Variants in CRACD observed in about 807,000 individuals in gnomAD.
CRACD encodes capping protein-inhibiting regulator of actin dynamics.
CRACD carries 56 observed loss-of-function variants against 106.8 expected under a neutral mutation model. That is an observed-to-expected ratio of 0.52 (90% CI 0.42 to 0.66). The LOEUF is 0.66. Among genes scored for constraint, CRACD ranks in the 30% least tolerant of loss-of-function variants. The probability of loss-of-function intolerance (pLI) is 0.00; values close to 1 mark genes in which losing one functional copy is unlikely to be tolerated. For missense variants in CRACD, 1,730 were observed against 1,623.2 expected (o/e 1.07, Z -1.13); for synonymous variants, 754 against 670.8 (o/e 1.12, Z -1.92).
At chr4:56,144,748 C>T (rs532824473) in intron 1 of CRACD, among the ~76,000 whole-genome samples, 423 of 152,014 alleles carry the variant, frequency 2.8e-3, no homozygotes, top group Middle Eastern at 6.8e-3. Flanking sequence ...CTCCGCCTTC[C>T]GGGTTCAGGT....
intron 2 of CRACD, among the ~76,000 whole-genome samples, chr4:56,231,977 G>A (rs1221712076): frequency 1.3e-5 from 2 of 152,292 alleles, no homozygotes; most frequent in East Asian, 1.9e-4. Flanking sequence ...ACCTAAGGAT[G>A]TACAAAAAAT....
chr4:56,298,140 C>T, intron 3 of CRACD, 74 bp from the exon 4 acceptor site: 2 of 1,496,870 alleles, frequency 1.3e-6, no homozygotes, highest in Non-Finnish European at 1.8e-6. Flanking sequence ...TCCCTCCAAT[C>T]AGGAATAATG....
intron 1 of CRACD, among the ~76,000 whole-genome samples, chr4:56,171,112 G>C (rs912474719): frequency 1.3e-5 from 2 of 152,126 alleles, no homozygotes; most frequent in Non-Finnish European, 2.9e-5. Context: ...GAAAATGACA[G>C]AGAATGAAAA....
chr4:56,200,213 C>A (rs1322108666), intron 2 of CRACD, among the ~76,000 whole-genome samples: 1 of 151,734 alleles, frequency 6.6e-6, no homozygotes, highest in Non-Finnish European at 1.5e-5. Context: ...GTCCGTTACA[C>A]TATGCTGTTG....
At chr4:56,269,653 C>T (rs766032437) in intron 2 of CRACD, among the ~76,000 whole-genome samples, 1 of 150,808 alleles carries the variant, frequency 6.6e-6, no homozygotes, top group East Asian at 2.0e-4. Context: ...ACAGCCTTCG[C>T]CTCCCAGGTT....
intron 1 of CRACD, among the ~76,000 whole-genome samples, chr4:56,098,713 A>T (rs1733675668): frequency 6.6e-6 from 1 of 152,098 alleles, no homozygotes; most frequent in Non-Finnish European, 1.5e-5. Flanking sequence ...TTTTTTTGAG[A>T]CAGAGGCTTG....
intron 2 of CRACD, among the ~76,000 whole-genome samples, chr4:56,231,453 T>G (rs891319840): frequency 3.3e-5 from 5 of 152,260 alleles, no homozygotes; most frequent in Admixed American, 2.0e-4. Context: ...TAAAGCTGAC[T>G]GTAGGCTTGT....
At chr4:56,178,953 T>C (rs111711431) in intron 1 of CRACD, among the ~76,000 whole-genome samples, 1,591 of 152,372 alleles carry the variant, frequency 0.01, 43 homozygotes, top group African/African-American at 0.036. Context: ...TTGTGTCTTC[T>C]AGCTTCTTGA....
intron 2 of CRACD, among the ~76,000 whole-genome samples, chr4:56,228,976 TGAG>T (rs2109530389): frequency 6.6e-6 from 1 of 152,240 alleles, no homozygotes; most frequent in Non-Finnish European, 1.5e-5. Flanking sequence ...AGAGATGTCA[TGAG>T]GATAAAGTGA....
intron 3 of CRACD, among the ~76,000 whole-genome samples, chr4:56,276,502 T>C (rs1266535643): frequency 1.3e-5 from 2 of 152,206 alleles, no homozygotes; most frequent in African/African-American, 4.8e-5. Context: ...TATTACAGTG[T>C]ATTCACTTTT....
chr4:56,092,253 G>T (rs1733446556), intron 1 of CRACD, among the ~76,000 whole-genome samples: 1 of 152,176 alleles, frequency 6.6e-6, no homozygotes, highest in African/African-American at 2.4e-5. Context: ...GAAGGTGCAT[G>T]GTGCTTCCAG....
rs371112820 is a variant in CRACD, at chr4:56,147,138, C to T, written c.-335-32146C>T. On this transcript the variant is annotated intron_variant, in intron 1 of 10. Coordinates refer to ENST00000682029, the MANE Select transcript of CRACD (RefSeq NM_001393381.1). ...ACTCCCCTTGAGTAAGAGGATTCTG[C>T]AGCTGGCCCTCTCTGCCTGGTTTGT... is the stretch of plus-strand genomic sequence containing the variant. 4.0e-4 allele frequency among the ~76,000 whole-genome samples: 61 copies of T among 152,232 alleles called. No individual in the cohort carries two copies. The South Asian group carries it at 0.012, about 30-fold the overall frequency.
chr4:56,190,111 T>C (rs983619685), intron 2 of CRACD, among the ~76,000 whole-genome samples: 1 of 151,444 alleles, frequency 6.6e-6, no homozygotes, highest in Non-Finnish European at 1.5e-5. Flanking sequence ...AGAATGATGA[T>C]TTCCAATTTC....
chr4:56,107,401 T>C (rs1162467420), intron 1 of CRACD, among the ~76,000 whole-genome samples: 1 of 152,236 alleles, frequency 6.6e-6, no homozygotes, highest in Non-Finnish European at 1.5e-5. Flanking sequence ...ATTAAGTTTA[T>C]GATGCACTTA....
At chr4:56,171,434 A>G (rs1736359489) in intron 1 of CRACD, among the ~76,000 whole-genome samples, 1 of 152,202 alleles carries the variant, frequency 6.6e-6, no homozygotes, top group Non-Finnish European at 1.5e-5. Context: ...TAGCAGCATC[A>G]TAGATTAGGG....
At chr4:56,229,021 A>G (rs924807084) in intron 2 of CRACD, among the ~76,000 whole-genome samples, 12 of 152,216 alleles carry the variant, frequency 7.9e-5, no homozygotes, top group Non-Finnish European at 1.3e-4. Flanking sequence ...TTTGAAAGTC[A>G]TACATAAGGT....
rs545128548 is a variant in CRACD, at chr4:56,330,486, A to C, written c.*2682A>C. The stretch of plus-strand genomic sequence containing the variant: ...AATATTTTTACCAACAGTAAAGTAG[A>C]GACTTAATGAAAATACCTTAGTGTG... On this transcript the variant is annotated 3_prime_UTR_variant, in exon 11 of 11. Transcript: ENST00000682029. Among the ~76,000 whole-genome samples the C allele has an allele frequency of 2.7e-4, 41 of 152,200 alleles. No homozygotes were observed. Among genetic ancestry groups the C allele is most frequent in the Non-Finnish European group, 4.4e-5 (3 of 68,034 alleles).
Position 56,102,201 on chromosome 4 carries a change from A to C in CRACD, c.-336+52902A>C, listed in dbSNP as rs181105042. ...TTATACCCATTTACACTCCCACTTC[A>C]TAGAATGAGTTCCTGGTGTTCTGTA... On this transcript the variant is annotated intron_variant, in intron 1 of 10. Coordinates refer to ENST00000682029, the MANE Select transcript of CRACD (RefSeq NM_001393381.1). Among the ~76,000 whole-genome samples, 52 of 152,328 alleles carry C rather than the reference A, an allele frequency of 3.4e-4. 1 individual carries two copies. The highest frequency in any genetic ancestry group is 2.2e-3 in the Admixed American group (33 of 15,294).
At chr4:56,181,831 T>C (rs1440290157) in intron 2 of CRACD, among the ~76,000 whole-genome samples, 3 of 152,112 alleles carry the variant, frequency 2.0e-5, no homozygotes, top group Non-Finnish European at 4.4e-5. Flanking sequence ...CCAGATATAT[T>C]GGACTAAGGA....
Sources: allele counts gnomAD v4.1 joint callset (sites outside exome capture counted in the v4.1 genomes callset), GRCh38; gene constraint gnomAD v4.1.1; transcripts MANE v1.5; gene names NCBI Gene and HGNC (gene_info 2026-07-23, HGNC 2026-07-21).